SNAP23: variants seen among roughly 807,000 people sequenced by gnomAD.
SNAP23 encodes the protein synaptosomal-associated protein 23.
A neutral mutation model predicts 29.0 loss-of-function variants in SNAP23; 11 were observed. The observed-to-expected ratio is 0.38, with a 90% CI of 0.24 to 0.63. The LOEUF (loss-of-function observed/expected upper bound fraction) is 0.63, where lower values mean the gene tolerates loss of function less well. SNAP23 is among the 20% of genes least tolerant of loss of function. SNAP23 has a pLI of 0.58. For synonymous variants in SNAP23, 60 were observed against 82.9 expected (o/e 0.72, Z 1.50); for missense variants, 220 against 253.9 (o/e 0.87, Z 0.91).
upstream of SNAP23, among the ~76,000 whole-genome samples, chr15:42,492,418 G>A (rs2057175807): frequency 6.6e-6 from 1 of 151,800 alleles, no homozygotes; most frequent in Non-Finnish European, 1.5e-5. Context: ...AGTGGCTCAC[G>A]CCTGTAATCC....
chr15:42,519,554 G>C (rs142770953), intron 5 of SNAP23, among the ~76,000 whole-genome samples: 306 of 151,596 alleles, frequency 2.0e-3, no homozygotes, highest in African/African-American at 7.0e-3. Flanking sequence ...ATTTTTAGTA[G>C]AGACGGGGTT....
At chr15:42,497,987 C>T (rs1324101870) in intron 1 of SNAP23, among the ~76,000 whole-genome samples, 1 of 152,234 alleles carries the variant, frequency 6.6e-6, no homozygotes, top group Non-Finnish European at 1.5e-5. Context: ...CTCCATGTCT[C>T]ACATCTAGGG....
intron 5 of SNAP23, among the ~76,000 whole-genome samples, chr15:42,527,424 C>T (rs1483802028): frequency 1.3e-5 from 2 of 151,410 alleles, no homozygotes; most frequent in Non-Finnish European, 2.9e-5. Flanking sequence ...CTCACTCTGT[C>T]ACCCAGGCTG....
At chr15:42,524,778 CATATTT>C (rs72184592) in intron 5 of SNAP23, among the ~76,000 whole-genome samples, 20,728 of 152,044 alleles carry the variant, frequency 0.14, 1,903 homozygotes, top group African/African-American at 0.26. Context: ...AGTTTAAAAA[CATATTT>C]ATATTTGTGA....
In SNAP23 at chr15:42,531,452, A is replaced by G. The variant is rs769138011; in HGVS notation, c.610A>G (p.Arg204Gly). 10 of 1,599,364 alleles carry G rather than the reference A, an allele frequency of 6.3e-6. No homozygotes were observed. In the South Asian group the frequency reaches 1.0e-4, roughly 16 times the overall value. ...AGATCGTATTGATATTGCCAATGCC[A>G]GAGCAAAGAAACTCATTGACAGCTA... ...NRDRIDIANA[R>G]AKKLIDS is the part of the protein sequence containing the mutation. Residue 204 changes from arginine (R) to glycine (G), a missense_variant, in exon 8 of 8, where the codon AGA (arginine) becomes GGA (glycine). Arg to Gly is a moderately radical substitution (Grantham distance 125). Coordinates refer to ENST00000249647, the MANE Select transcript of SNAP23 (RefSeq NM_003825.4).
At chr15:42,495,366 G>A (rs927083685), upstream of SNAP23, 1 of 152,214 alleles carries the variant, frequency 6.6e-6, no homozygotes, top group African/African-American at 2.4e-5. Context: ...GAAGAGCAGG[G>A]AAAGCACTGT....
intron 1 of SNAP23, among the ~76,000 whole-genome samples, chr15:42,498,568 G>A (rs559909583): frequency 6.6e-6 from 1 of 152,330 alleles, no homozygotes. Context: ...CAGGTCTTGT[G>A]ATGGGAGGGG....
chr15:42,522,743 A>T (rs2057459977), intron 5 of SNAP23, among the ~76,000 whole-genome samples: 1 of 144,894 alleles, frequency 6.9e-6, no homozygotes, highest in Non-Finnish European at 1.5e-5. Context: ...AAAAGAAATT[A>T]TCGTTTTTGT....
intron 1 of SNAP23, among the ~76,000 whole-genome samples, chr15:42,497,489 G>C (rs1003639436): frequency 6.6e-6 from 1 of 151,860 alleles, no homozygotes; most frequent in Non-Finnish European, 1.5e-5. Context: ...GATTACAGGC[G>C]TGAGCCACCG....
At chr15:42,502,945 A>G (rs1283854530) in intron 1 of SNAP23, among the ~76,000 whole-genome samples, 1 of 152,136 alleles carries the variant, frequency 6.6e-6, no homozygotes, top group Non-Finnish European at 1.5e-5. Context: ...GCTTCTGTAA[A>G]ACTGAAGTTT....
intron 5 of SNAP23, among the ~76,000 whole-genome samples, chr15:42,516,263 C>T (rs759836975): frequency 6.6e-6 from 1 of 152,126 alleles, no homozygotes; most frequent in Non-Finnish European, 1.5e-5. Context: ...TTCCTGGGCA[C>T]AAGAGATCCT....
intron 3 of SNAP23, 183 bp from the exon 4 acceptor site, chr15:42,513,216 G>A (rs889617864): frequency 1.3e-6 from 1 of 751,846 alleles, no homozygotes. Context: ...ATGAGTTTGT[G>A]ACTTAATTAT....
At chr15:42,508,543 GAAGAAAAAAA>G (rs2057333665) in intron 1 of SNAP23, among the ~76,000 whole-genome samples, 3 of 152,250 alleles carry the variant, frequency 2.0e-5, no homozygotes, top group East Asian at 3.9e-4. Context: ...TCTGGTCAGG[GAAGAAAAAAA>G]TATTAAGCAG....
At chr15:42,525,476 TTTTTTG>T (rs1327310133) in intron 5 of SNAP23, among the ~76,000 whole-genome samples, 1 of 109,232 alleles carries the variant, frequency 9.2e-6, no homozygotes, top group Non-Finnish European at 1.9e-5. Flanking sequence ...TTTTTTTTTT[TTTTTTG>T]AGACGGAGTC....
At chr15:42,500,458 G>A (rs2057259875) in intron 1 of SNAP23, among the ~76,000 whole-genome samples, 1 of 146,084 alleles carries the variant, frequency 6.8e-6, no homozygotes, top group Non-Finnish European at 1.5e-5. Context: ...GTGTGATCTC[G>A]GCTCACCGCA....
intron 5 of SNAP23, among the ~76,000 whole-genome samples, chr15:42,525,448 C>CTTGTTTT (rs1566819532): frequency 2.0e-5 from 1 of 50,702 alleles, no homozygotes; most frequent in African/African-American, 5.3e-5. Context: ...AAGATCCAGT[C>CTTGTTTT]TTCTTTTTTT....
chr15:42,514,408 C>T (rs561045867), intron 4 of SNAP23, among the ~76,000 whole-genome samples: 26 of 152,198 alleles, frequency 1.7e-4, no homozygotes, highest in African/African-American at 5.8e-4. Flanking sequence ...GTCGGCCTCC[C>T]GAAGTGCTGG....
At chr15:42,515,613 G>A (rs1043099221) in intron 5 of SNAP23, among the ~76,000 whole-genome samples, 1 of 152,216 alleles carries the variant, frequency 6.6e-6, no homozygotes, top group African/African-American at 2.4e-5. Flanking sequence ...GAAGTATAGG[G>A]AAATGTATAT....
chr15:42,523,803 GTTTT>G (rs1158659807), intron 5 of SNAP23, among the ~76,000 whole-genome samples: 1 of 148,398 alleles, frequency 6.7e-6, no homozygotes, highest in South Asian at 2.1e-4. Context: ...TTTGTTTTTT[GTTTT>G]TTGTTTGTTT....
Sources: gnomAD v4.1 joint callset for allele counts (sites outside exome capture counted in the v4.1 genomes callset) on GRCh38, gnomAD v4.1.1 for gene constraint, MANE v1.5 for transcripts, NCBI Gene and HGNC (gene_info 2026-07-23, HGNC 2026-07-21) for gene names.